Variants in BRD10 observed in about 807,000 individuals in gnomAD.
The protein encoded by BRD10 is bromodomain containing 10.
chr9:5,951,238 T>C, the BRD10 span, among the ~76,000 whole-genome samples: 1 of 151,934 alleles, frequency 6.6e-6, no homozygotes, highest in Non-Finnish European at 1.5e-5. Flanking sequence ...GGGGGCAAGT[T>C]CAAGTTCTAG....
At chr9:5,995,550 T>G in the BRD10 span, among the ~76,000 whole-genome samples, 3 of 152,198 alleles carry the variant, frequency 2.0e-5, no homozygotes, top group Non-Finnish European at 4.4e-5. Flanking sequence ...AATTCATCTT[T>G]CATTCACATC....
chr9:5,967,707 A>AC, the BRD10 span, among the ~76,000 whole-genome samples: 22 of 151,258 alleles, frequency 1.5e-4, no homozygotes, highest in Admixed American at 2.0e-4. Context: ...AAAAAAAAAA[A>AC]AAAACACACA....
At chr9:5,981,351 C>T in the BRD10 span, among the ~76,000 whole-genome samples, 3 of 152,236 alleles carry the variant, frequency 2.0e-5, no homozygotes, top group African/African-American at 7.2e-5. Flanking sequence ...TCTGCTTACC[C>T]TGGTTACAGC....
chr9:5,948,324 G>C, the BRD10 span, among the ~76,000 whole-genome samples: 1 of 152,078 alleles, frequency 6.6e-6, no homozygotes, highest in African/African-American at 2.4e-5. Context: ...TTTTAAAAGG[G>C]TCTTTATAAC....
At chr9:5,984,849 C>G in the BRD10 span, among the ~76,000 whole-genome samples, 1 of 151,772 alleles carries the variant, frequency 6.6e-6, no homozygotes. Context: ...TATCCAGAAA[C>G]TGATAATTTC....
At chr9:6,007,558 T>A in the BRD10 span, 1 of 1,612,886 alleles carries the variant, frequency 6.2e-7, no homozygotes, top group Non-Finnish European at 8.5e-7. Flanking sequence ...CTGTAGCTCG[T>A]AGGTCAGCTC....
the BRD10 span, chr9:5,923,343 T>A: frequency 6.8e-7 from 1 of 1,477,370 alleles, no homozygotes; most frequent in South Asian, 1.3e-5. Context: ...TTTGTTTATA[T>A]AAAACAGCAA....
chr9:5,981,667 T>G, the BRD10 span, among the ~76,000 whole-genome samples: 24 of 152,180 alleles, frequency 1.6e-4, no homozygotes, highest in Non-Finnish European at 2.6e-4. Flanking sequence ...TCCATCTCTG[T>G]GTCCATCCTC....
chr9:5,939,477 TCTTA>T, the BRD10 span, among the ~76,000 whole-genome samples: 2 of 152,202 alleles, frequency 1.3e-5, no homozygotes, highest in African/African-American at 4.8e-5. Flanking sequence ...CAAGAATCTT[TCTTA>T]ATCATCGATG....
chr9:5,967,174 T>G, the BRD10 span, among the ~76,000 whole-genome samples: 1 of 152,192 alleles, frequency 6.6e-6, no homozygotes, highest in Non-Finnish European at 1.5e-5. Flanking sequence ...AGCCACCAGA[T>G]TTTAATGTTA....
the BRD10 span, among the ~76,000 whole-genome samples, chr9:5,896,205 T>C: frequency 6.6e-6 from 1 of 152,226 alleles, no homozygotes; most frequent in Non-Finnish European, 1.5e-5. Flanking sequence ...AGCTGTAAAA[T>C]GAACATCATT....
the BRD10 span, among the ~76,000 whole-genome samples, chr9:5,950,127 G>T: frequency 6.6e-6 from 1 of 152,032 alleles, no homozygotes; most frequent in Non-Finnish European, 1.5e-5. Context: ...ACTATTACTT[G>T]GTTTTCCACT....
chr9:5,974,030 C>T, the BRD10 span, among the ~76,000 whole-genome samples: 2 of 152,138 alleles, frequency 1.3e-5, no homozygotes, highest in East Asian at 3.8e-4. Context: ...CACAAATCTT[C>T]ATTTCAGGAA....
At chr9:5,884,509 C>T in the BRD10 span, among the ~76,000 whole-genome samples, 2 of 152,214 alleles carry the variant, frequency 1.3e-5, no homozygotes, top group African/African-American at 2.4e-5. Flanking sequence ...GTCACCTTCC[C>T]GTCCTCACCC....
the BRD10 span, chr9:5,920,969 G>A: frequency 1.8e-5 from 29 of 1,613,824 alleles, no homozygotes; most frequent in Non-Finnish European, 2.4e-5. Flanking sequence ...AGGAGGTTGT[G>A]CCCCAGCTGA....
the BRD10 span, among the ~76,000 whole-genome samples, chr9:5,952,619 T>G: frequency 6.6e-6 from 1 of 152,228 alleles, no homozygotes; most frequent in Non-Finnish European, 1.5e-5. Flanking sequence ...TAAAAAACAC[T>G]GGCTATGCAG....
chr9:5,986,546 CT>C, the BRD10 span, among the ~76,000 whole-genome samples: 1 of 152,344 alleles, frequency 6.6e-6, no homozygotes, highest in Admixed American at 6.5e-5. Context: ...ATCATACTGT[CT>C]TCCACAACGG....
At chr9:5,903,692 T>C in the BRD10 span, among the ~76,000 whole-genome samples, 9 of 152,192 alleles carry the variant, frequency 5.9e-5, no homozygotes, top group African/African-American at 2.2e-4. Flanking sequence ...CTTAGGTACA[T>C]GCAATGTTAG....
chr9:5,901,849 C>T, the BRD10 span, among the ~76,000 whole-genome samples: 4 of 152,154 alleles, frequency 2.6e-5, no homozygotes, highest in African/African-American at 9.7e-5. Context: ...ACCAGGTTTG[C>T]ATACCTGGCA....
Sources: gnomAD v4.1 joint callset for allele counts (sites outside exome capture counted in the v4.1 genomes callset) on GRCh38, gnomAD v4.1.1 for gene constraint, MANE v1.5 for transcripts, NCBI Gene and HGNC (gene_info 2026-07-23, HGNC 2026-07-21) for gene names.